The following HGD variants were observed in gnomAD, a reference collection of about 807,000 sequenced individuals.
HGD encodes homogentisate oxidase.
HGD carries 61 observed loss-of-function variants against 60.8 expected under a neutral mutation model. The ratio of observed to expected loss-of-function variants is 1.00; its 90% CI spans 0.82 to 1.24. The LOEUF is 1.24. Among genes scored for constraint, HGD ranks in the 50% most tolerant of loss-of-function variants. The pLI is 0.00. For missense variants in HGD, 542 were observed against 547.1 expected (o/e 0.99, Z 0.09); for synonymous variants, 212 against 187.7 (o/e 1.13, Z -1.06).
chr3:120,638,113 C>T (rs922730216), intron 12 of HGD, among the ~76,000 whole-genome samples: 1 of 152,204 alleles, frequency 6.6e-6, no homozygotes, highest in Non-Finnish European at 1.5e-5. Flanking sequence ...TTCCCTCTTG[C>T]CTGCCACCAT....
At chr3:120,672,954 ATAGG>A (rs1277327617) in intron 3 of HGD, among the ~76,000 whole-genome samples, 3 of 152,156 alleles carry the variant, frequency 2.0e-5, no homozygotes, top group African/African-American at 4.8e-5. Flanking sequence ...TTAATCCCTG[ATAGG>A]TAGGTAGGTA....
intron 13 of HGD, among the ~76,000 whole-genome samples, chr3:120,630,389 A>G (rs1409456448): frequency 6.6e-6 from 1 of 152,216 alleles, no homozygotes; most frequent in Non-Finnish European, 1.5e-5. Context: ...ACAAGGCTAC[A>G]GTAACCAAAA....
intron 13 of HGD, among the ~76,000 whole-genome samples, chr3:120,632,804 C>T (rs804975): frequency 0.01 from 1,538 of 152,242 alleles, 30 homozygotes; most frequent in African/African-American, 0.035. Flanking sequence ...TAACTCATAG[C>T]CATCTGCTGG....
chr3:120,666,288 C>CATTTGGTGG (rs1233615503), intron 4 of HGD, among the ~76,000 whole-genome samples: 5 of 152,074 alleles, frequency 3.3e-5, no homozygotes, highest in African/African-American at 9.7e-5. Flanking sequence ...AGAAGAAATT[C>CATTTGGTGG]ATTTGGTGGC....
rs1160595287 is a variant in HGD, at chr3:120,647,003, A to G, written c.519T>C (p.Leu173=). 1.2e-6 allele frequency: 2 copies of G among 1,614,102 alleles called. No individual in the cohort carries two copies. Among genetic ancestry groups the G allele is most frequent in the Non-Finnish European group, 1.7e-6 (2 of 1,179,964 alleles). ...TGACGCAGATCTCATTGGGCTGTAC[A>G]AGCATCTTGCCAAACTCGGTGTAAA... ...LLIYTEFGKM[L]VQPNEICVIQ... Residue 173 remains leucine (L), a synonymous_variant, in exon 8 of 14, where the codon CTT becomes CTC. Coordinates refer to ENST00000283871, the MANE Select transcript of HGD (RefSeq NM_000187.4).
At position 120,650,264 on chromosome 3, in the gene HGD, A is replaced by G. The variant is rs965952420; in HGVS notation, c.434+510T>C. Among the ~76,000 whole-genome samples the G allele has an allele frequency of 3.9e-5, 6 of 152,178 alleles. No individual in the cohort carries two copies. The East Asian group carries it at 1.2e-3, about 29-fold the overall frequency. On this transcript the variant is annotated intron_variant, in intron 6 of 13. Transcript: ENST00000283871. ...ACTTTTCTACTGAGATAAAAACCAC[A>G]GTTTGGATCTAATGTACACCTTATA...
chr3:120,657,942 A>G (rs963681775), intron 4 of HGD, among the ~76,000 whole-genome samples: 4 of 152,166 alleles, frequency 2.6e-5, no homozygotes, highest in African/African-American at 9.7e-5. Flanking sequence ...GACAGTACCA[A>G]CAGGGATGGT....
At chr3:120,676,484 G>C (rs1373921828) in intron 1 of HGD, among the ~76,000 whole-genome samples, 2 of 152,138 alleles carry the variant, frequency 1.3e-5, no homozygotes, top group African/African-American at 2.4e-5. Flanking sequence ...GTAAGTCATG[G>C]AGAGCCCCTG....
At chr3:120,636,500 T>C (rs1264065889) in intron 12 of HGD, among the ~76,000 whole-genome samples, 1 of 151,862 alleles carries the variant, frequency 6.6e-6, no homozygotes, top group African/African-American at 2.4e-5. Flanking sequence ...AGTGAAATGG[T>C]GAATTATTAA....
rs1395648902 is a variant in HGD at position 120,641,699 on chromosome 3, C to T, written c.775-6G>A. ...ACATTGAACGGGGAGACATCCTAAA[C>T]ACAAAAAGCAGGAAAGGATAATTTT... On this transcript the variant is annotated splice_polypyrimidine_tract_variant and splice_region_variant and intron_variant, in intron 10 of 13. Transcript: ENST00000283871. The T allele has an allele frequency of 6.3e-7, 1 of 1,592,834 alleles. No homozygotes were observed. Among genetic ancestry groups the T allele is most frequent in the Non-Finnish European group, 8.6e-7 (1 of 1,160,702 alleles).
At chr3:120,658,889 C>T (rs1490278795) in intron 4 of HGD, among the ~76,000 whole-genome samples, 1 of 152,236 alleles carries the variant, frequency 6.6e-6, no homozygotes, top group Non-Finnish European at 1.5e-5. Context: ...GTGCTTGGAT[C>T]CCTTTGAGCC....
rs777429123 is a variant in HGD, at chr3:120,652,655, GAA to G, written c.283-6_283-5del. ...TCTCAAATGGTTTCCATCTAAGCTG[GAA>G]AAAAAATACACATACAGAAAAATTA... On this transcript the variant is annotated splice_polypyrimidine_tract_variant and splice_region_variant and intron_variant, in intron 4 of 13. Coordinates refer to ENST00000283871, the MANE Select transcript of HGD (RefSeq NM_000187.4). 1 of 1,605,856 alleles carries G rather than the reference GAA, an allele frequency of 6.2e-7. No individual in the cohort carries two copies. Among genetic ancestry groups the G allele is most frequent in the African/African-American group, 1.3e-5 (1 of 74,582 alleles).
At chr3:120,649,503 C>G (rs1941271089) in intron 6 of HGD, among the ~76,000 whole-genome samples, 1 of 152,088 alleles carries the variant, frequency 6.6e-6, no homozygotes, top group South Asian at 2.1e-4. Flanking sequence ...TGTTTGGTTT[C>G]CAGTTTGGAG....
chr3:120,648,648 C>G (rs1191754121), intron 6 of HGD, among the ~76,000 whole-genome samples: 1 of 152,172 alleles, frequency 6.6e-6, no homozygotes, highest in Non-Finnish European at 1.5e-5. Context: ...AAGCCAAAGT[C>G]GGGTAGCCTG....
intron 3 of HGD, among the ~76,000 whole-genome samples, chr3:120,674,126 C>G (rs947027317): frequency 1.7e-4 from 26 of 152,192 alleles, no homozygotes; most frequent in African/African-American, 6.0e-4. Context: ...AGTACAAGAC[C>G]ACATGCCCTT....
At chr3:120,664,526 C>T (rs1205747447) in intron 4 of HGD, among the ~76,000 whole-genome samples, 4 of 150,432 alleles carry the variant, frequency 2.7e-5, no homozygotes, top group African/African-American at 7.3e-5. Flanking sequence ...CTCCCAGGCT[C>T]GAGCAGTCTT....
intron 6 of HGD, 55 bp downstream of exon 6, chr3:120,650,719 T>C: frequency 7.4e-7 from 1 of 1,347,796 alleles, no homozygotes; most frequent in Non-Finnish European, 1.1e-6. Flanking sequence ...GTTTGACTTC[T>C]GGCCAAAATC....
At chr3:120,677,682 A>G (rs1708156858) in intron 1 of HGD, among the ~76,000 whole-genome samples, 1 of 152,064 alleles carries the variant, frequency 6.6e-6, no homozygotes, top group Non-Finnish European at 1.5e-5. Flanking sequence ...ATTACCTTGT[A>G]AAGTACTTGA....
chr3:120,648,584 A>T (rs879904549), intron 6 of HGD, among the ~76,000 whole-genome samples: 1 of 152,262 alleles, frequency 6.6e-6, no homozygotes, highest in Non-Finnish European at 1.5e-5. Context: ...TTGCAAAGCC[A>T]GTATATAAGC....
Sources: gnomAD v4.1 joint callset for allele counts (sites outside exome capture counted in the v4.1 genomes callset) on GRCh38, gnomAD v4.1.1 for gene constraint, MANE v1.5 for transcripts, NCBI Gene and HGNC (gene_info 2026-07-23, HGNC 2026-07-21) for gene names.